Variants in YES1 observed in about 807,000 individuals in gnomAD.
YES1 encodes tyrosine-protein kinase Yes.
In YES1, 39 loss-of-function variants were observed where a neutral mutation model predicts 70.4. The ratio of observed to expected loss-of-function variants is 0.55; its 90% CI spans 0.43 to 0.72. YES1 has a LOEUF of 0.72. YES1 is among the 30% of genes least tolerant of loss of function. The pLI is 0.00. For missense variants in YES1, 495 were observed against 644.8 expected, an observed-to-expected ratio of 0.77 and a Z score of 2.52; for synonymous variants, 198 against 218.6, an observed-to-expected ratio of 0.91 and a Z score of 0.83.
intron 1 of YES1, chr18:774,973 G>C (rs1270292914): frequency 6.6e-6 from 1 of 152,202 alleles, no homozygotes. Flanking sequence ...CATACTCCCA[G>C]CTTATTGTAT....
intron 6 of YES1, 138 bp downstream of exon 6, chr18:745,570 A>AG (rs1598900496): frequency 2.4e-6 from 2 of 824,962 alleles, no homozygotes; most frequent in East Asian, 5.1e-5. Flanking sequence ...TCCTCCCTTT[A>AG]GAATACAACA....
intron 8 of YES1, among the ~76,000 whole-genome samples, chr18:741,884 G>A (rs984380785): frequency 1.3e-5 from 2 of 152,190 alleles, no homozygotes; most frequent in Non-Finnish European, 2.9e-5. Context: ...TCCTTCCAAA[G>A]AGCGCCAGGT....
At chr18:733,540 T>C (rs1416810474) in intron 10 of YES1, among the ~76,000 whole-genome samples, 2 of 151,940 alleles carry the variant, frequency 1.3e-5, no homozygotes, top group African/African-American at 2.4e-5. Context: ...TCCCAGCATT[T>C]TGGGAGGCCG....
At chr18:761,491 A>G (rs1904592318) in intron 1 of YES1, among the ~76,000 whole-genome samples, 1 of 152,158 alleles carries the variant, frequency 6.6e-6, no homozygotes, top group Non-Finnish European at 1.5e-5. Context: ...AGGCTCCTAT[A>G]ATTGCCCAAC....
chr18:741,447 C>G (rs1428219678), intron 8 of YES1, among the ~76,000 whole-genome samples: 1 of 151,966 alleles, frequency 6.6e-6, no homozygotes, highest in Non-Finnish European at 1.5e-5. Context: ...CACCATGTTG[C>G]TCAGGTCAGC....
At chr18:747,846 T>C in intron 4 of YES1, 74 bp downstream of exon 4, 2 of 1,357,838 alleles carry the variant, frequency 1.5e-6, no homozygotes, top group Non-Finnish European at 2.1e-6. Context: ...TGTGTAAAGT[T>C]GTGGCTAAGT....
intron 10 of YES1, 93 bp downstream of exon 10, chr18:736,714 TA>T: frequency 2.7e-6 from 4 of 1,483,356 alleles, no homozygotes; most frequent in Middle Eastern, 2.5e-4. Flanking sequence ...TGAGGGAAGC[TA>T]AAACAATTCT....
chr18:797,342 G>T lies in YES1; in HGVS notation c.-9+14772C>A, dbSNP rs768275004. 1.2e-4 allele frequency among the ~76,000 whole-genome samples: 18 copies of T among 151,702 alleles called. 1 individual carries two copies. Among genetic ancestry groups the T allele is most frequent in the Admixed American group, 1.1e-3 (17 of 15,252 alleles). ...TCTATCAATCCCCCTAAAAAAACTG[G>T]GAAAATATAGAAAGAGCTTTAAACC... On this transcript the variant is annotated intron_variant, in intron 1 of 11. Coordinates refer to ENST00000314574, the MANE Select transcript of YES1 (RefSeq NM_005433.4).
intron 1 of YES1, among the ~76,000 whole-genome samples, chr18:786,777 T>C (rs1314002366): frequency 7.9e-5 from 12 of 152,146 alleles, no homozygotes; most frequent in Non-Finnish European, 1.8e-4. Context: ...GGACCATATC[T>C]CTACCATAAA....
chr18:758,386 G>A (rs571817040), intron 1 of YES1, among the ~76,000 whole-genome samples: 55 of 152,088 alleles, frequency 3.6e-4, no homozygotes, highest in African/African-American at 1.3e-3. Flanking sequence ...CACCCCTAAC[G>A]CTCACCAAAT....
chr18:766,983 A>AT (rs1568205803), intron 1 of YES1, among the ~76,000 whole-genome samples: 1 of 152,086 alleles, frequency 6.6e-6, no homozygotes, highest in Non-Finnish European at 1.5e-5. Flanking sequence ...TTCAATTAAA[A>AT]TTTTTTATTT....
At chr18:808,704 T>C (rs1907223073) in intron 1 of YES1, among the ~76,000 whole-genome samples, 2 of 152,132 alleles carry the variant, frequency 1.3e-5, no homozygotes, top group Admixed American at 1.3e-4. Context: ...AGATGAGATC[T>C]CTTCTTCAAC....
At chr18:749,748 T>C (rs1195155060) in intron 3 of YES1, among the ~76,000 whole-genome samples, 1 of 150,998 alleles carries the variant, frequency 6.6e-6, no homozygotes, top group Non-Finnish European at 1.5e-5. Flanking sequence ...TAGTCCCAGC[T>C]ACTCGGGAGG....
intron 1 of YES1, among the ~76,000 whole-genome samples, chr18:778,178 CA>C (rs1304725381): frequency 3.9e-5 from 6 of 152,174 alleles, no homozygotes; most frequent in African/African-American, 1.2e-4. Context: ...TGCTCAAGGA[CA>C]GGGGGCTAAA....
chr18:794,642 G>A (rs1458119296), intron 1 of YES1, among the ~76,000 whole-genome samples: 1 of 152,106 alleles, frequency 6.6e-6, no homozygotes, highest in Non-Finnish European at 1.5e-5. Context: ...TGTCAGCAGG[G>A]CTATGCTCCC....
At chr18:792,826 A>G (rs529373952) in intron 1 of YES1, among the ~76,000 whole-genome samples, 32 of 149,846 alleles carry the variant, frequency 2.1e-4, no homozygotes, top group Admixed American at 1.6e-3. Context: ...AAAGAAAGAA[A>G]AAGAAGAAAA....
chr18:721,819 G>A lies in YES1; in HGVS notation c.*2605C>T, dbSNP rs1598877617. The A allele has an allele frequency of 6.5e-6, 1 of 152,676 alleles. No individual in the cohort carries two copies. The highest frequency in any genetic ancestry group is 1.9e-4 in the East Asian group (1 of 5,192). 9.5% of individuals were successfully genotyped at this position (152,676 alleles called of 1,614,324 possible). A position where few individuals can be genotyped will look rare whatever the true frequency, so the allele number is the denominator to read the frequency against. On this transcript the variant is annotated 3_prime_UTR_variant, in exon 12 of 12. Coordinates refer to ENST00000314574, the MANE Select transcript of YES1 (RefSeq NM_005433.4). ...TTACAATACTTTATAAAAATATTAA[G>A]TTTAGGCTACCATTATTCATTTAAA...
intron 1 of YES1, among the ~76,000 whole-genome samples, chr18:767,415 T>C (rs1236813354): frequency 6.6e-6 from 1 of 152,060 alleles, no homozygotes; most frequent in Non-Finnish European, 1.5e-5. Flanking sequence ...CCTCCCAAAG[T>C]GATGGGATTA....
intron 1 of YES1, among the ~76,000 whole-genome samples, chr18:757,345 T>C: frequency 6.6e-6 from 1 of 150,564 alleles, no homozygotes; most frequent in Admixed American, 6.6e-5. Flanking sequence ...CTACTAAAAA[T>C]GCAAAAAATT....
Sources: allele counts gnomAD v4.1 joint callset (sites outside exome capture counted in the v4.1 genomes callset), GRCh38; gene constraint gnomAD v4.1.1; transcripts MANE v1.5; gene names NCBI Gene and HGNC (gene_info 2026-07-23, HGNC 2026-07-21).